SNTG1: variants seen among roughly 807,000 people sequenced by gnomAD.
The protein encoded by SNTG1 is syntrophin gamma 1, also known as gamma-1-syntrophin.
SNTG1 carries 39 observed loss-of-function variants against 74.7 expected under a neutral mutation model. The ratio of observed to expected loss-of-function variants is 0.52; its 90% CI spans 0.40 to 0.68. The LOEUF (loss-of-function observed/expected upper bound fraction) is 0.68, where lower values mean the gene tolerates loss of function less well. Among genes scored for constraint, SNTG1 ranks in the 30% least tolerant of loss-of-function variants. SNTG1 has a pLI of 0.00. For synonymous variants in SNTG1, 254 were observed against 217.1 expected, an observed-to-expected ratio of 1.17 and a Z score of -1.49; for missense variants, 685 against 609.5, an observed-to-expected ratio of 1.12 and a Z score of -1.30.
intron 1 of SNTG1, among the ~76,000 whole-genome samples, chr8:50,067,060 A>T (rs921040417): frequency 7.9e-5 from 12 of 152,168 alleles, no homozygotes; most frequent in African/African-American, 2.9e-4. Context: ...ATATAAAGCC[A>T]TTCTGCTGTC....
At chr8:50,510,100 A>C (rs1032441335) in intron 9 of SNTG1, among the ~76,000 whole-genome samples, 1 of 152,138 alleles carries the variant, frequency 6.6e-6, no homozygotes, top group Admixed American at 6.6e-5. Context: ...TCAATAACTA[A>C]TTTATTGAGA....
Position 50,078,202 on chromosome 8 carries a change from T to C in SNTG1, c.-102-94359T>C, listed in dbSNP as rs1399104878. Among the ~76,000 whole-genome samples the C allele has an allele frequency of 2.0e-5, 3 of 152,210 alleles. 1 individual carries two copies. Among genetic ancestry groups the C allele is most frequent in the South Asian group, 4.1e-4 (2 of 4,834 alleles). On this transcript the variant is annotated intron_variant, in intron 1 of 18. Transcript: ENST00000642720. ...TGTAAGATAATAAGTTTCAACACTG[T>C]ATAAGGTACATCTTCCACCTTTTCT...
chr8:49,959,958 C>T (rs1810530685), intron 1 of SNTG1, among the ~76,000 whole-genome samples: 1 of 152,102 alleles, frequency 6.6e-6, no homozygotes, highest in Admixed American at 6.5e-5. Flanking sequence ...AACTGGATCC[C>T]ATGAAATTAA....
At chr8:50,339,520 T>G (rs1047030154) in intron 2 of SNTG1, among the ~76,000 whole-genome samples, 1 of 152,070 alleles carries the variant, frequency 6.6e-6, no homozygotes, top group Non-Finnish European at 1.5e-5. Context: ...GGTGAGGTTT[T>G]GAATATTCTA....
chr8:50,548,348 A>G (rs1035242726), intron 11 of SNTG1, among the ~76,000 whole-genome samples: 2 of 152,198 alleles, frequency 1.3e-5, no homozygotes, highest in African/African-American at 2.4e-5. Flanking sequence ...TGGAAGGGCT[A>G]AGAAAGATCA....
chr8:50,633,747 G>C (rs776348814), intron 13 of SNTG1, among the ~76,000 whole-genome samples: 1 of 152,112 alleles, frequency 6.6e-6, no homozygotes, highest in East Asian at 1.9e-4. Flanking sequence ...GCTGAAACAG[G>C]TACCCATGTT....
chr8:50,781,523 C>T (rs982805143), intron 18 of SNTG1, among the ~76,000 whole-genome samples: 1 of 152,110 alleles, frequency 6.6e-6, no homozygotes, highest in Admixed American at 6.5e-5. Flanking sequence ...ACTAGGATTG[C>T]AACTGCTGCC....
intron 4 of SNTG1, among the ~76,000 whole-genome samples, chr8:50,437,340 TA>T (rs775928040): frequency 3.9e-4 from 59 of 152,278 alleles, no homozygotes; most frequent in Admixed American, 2.8e-3. Flanking sequence ...TCTTGTTCTT[TA>T]AGTATTATTT....
At chr8:49,960,526 G>A (rs571297699) in intron 1 of SNTG1, among the ~76,000 whole-genome samples, 16 of 151,986 alleles carry the variant, frequency 1.1e-4, no homozygotes, top group Non-Finnish European at 2.2e-4. Context: ...ATTTCTTTGA[G>A]TGAAAGTTAC....
chr8:50,102,139 C>A (rs1434455036), intron 1 of SNTG1, among the ~76,000 whole-genome samples: 1 of 149,652 alleles, frequency 6.7e-6, no homozygotes, highest in East Asian at 2.0e-4. Context: ...GCCACACTGA[C>A]TTCCACAATG....
At chr8:50,536,042 A>C (rs1418487855) in intron 10 of SNTG1, among the ~76,000 whole-genome samples, 1 of 152,184 alleles carries the variant, frequency 6.6e-6, no homozygotes, top group East Asian at 1.9e-4. Context: ...AGGAAGAAAA[A>C]AGCTCTAACA....
chr8:49,929,211 TTA>T (rs1173177846), intron 1 of SNTG1, among the ~76,000 whole-genome samples: 1 of 152,216 alleles, frequency 6.6e-6, no homozygotes, highest in Non-Finnish European at 1.5e-5. Flanking sequence ...TATTTTCAAC[TTA>T]TAAATTCCTA....
At chr8:49,998,252 T>A (rs1423910984) in intron 1 of SNTG1, among the ~76,000 whole-genome samples, 3 of 152,150 alleles carry the variant, frequency 2.0e-5, no homozygotes, top group African/African-American at 7.2e-5. Flanking sequence ...TTGCCGTGGC[T>A]CTGGATAAGT....
chr8:50,436,459 G>A (rs773046124), intron 4 of SNTG1, among the ~76,000 whole-genome samples: 10 of 152,154 alleles, frequency 6.6e-5, no homozygotes, highest in South Asian at 2.1e-4. Flanking sequence ...GTGTGTGTGC[G>A]TGCATGTGTG....
chr8:50,740,418 A>T (rs920665598), intron 17 of SNTG1, among the ~76,000 whole-genome samples: 1 of 152,070 alleles, frequency 6.6e-6, no homozygotes, highest in Admixed American at 6.6e-5. Context: ...AATCAAAACC[A>T]CAGTGAGATA....
At chr8:50,416,897 A>G (rs79058103) in intron 4 of SNTG1, among the ~76,000 whole-genome samples, 7,115 of 152,158 alleles carry the variant, frequency 0.047, 216 homozygotes, top group Middle Eastern at 0.095. Flanking sequence ...TTCTATCCAT[A>G]GCTTAACACC....
intron 11 of SNTG1, among the ~76,000 whole-genome samples, chr8:50,547,197 G>A (rs1483643): frequency 0.22 from 33,194 of 152,066 alleles, 4,725 homozygotes; most frequent in African/African-American, 0.4. Context: ...TCTCAAAAGT[G>A]GATACAGAGG....
At chr8:50,046,207 G>A (rs1055909632) in intron 1 of SNTG1, among the ~76,000 whole-genome samples, 1 of 152,038 alleles carries the variant, frequency 6.6e-6, no homozygotes, top group Admixed American at 6.6e-5. Flanking sequence ...TTAGCTACAG[G>A]CCATAAGTAA....
intron 8 of SNTG1, among the ~76,000 whole-genome samples, chr8:50,489,703 A>C (rs1158989868): frequency 6.6e-6 from 1 of 151,984 alleles, no homozygotes; most frequent in Non-Finnish European, 1.5e-5. Flanking sequence ...GATTGCAAAA[A>C]TTTTCTCCCA....
Sources: gnomAD v4.1 joint callset for allele counts (sites outside exome capture counted in the v4.1 genomes callset) on GRCh38, gnomAD v4.1.1 for gene constraint, MANE v1.5 for transcripts, NCBI Gene and HGNC (gene_info 2026-07-23, HGNC 2026-07-21) for gene names.